LRRC4C: variants seen among roughly 807,000 people sequenced by gnomAD.
LRRC4C encodes the protein leucine rich repeat containing 4C, also known as leucine-rich repeat-containing protein 4C.
LRRC4C carries 5 observed loss-of-function variants against 33.6 expected under a neutral mutation model. The observed-to-expected ratio is 0.15, with a 90% CI of 0.08 to 0.31. LRRC4C has a LOEUF of 0.31. LRRC4C is among the 10% of genes least tolerant of loss of function. The pLI is 1.00. For synonymous variants in LRRC4C, 329 were observed against 302.0 expected, an observed-to-expected ratio of 1.09 and a Z score of -0.93; for missense variants, 560 against 796.7, an observed-to-expected ratio of 0.70 and a Z score of 3.58.
At chr11:40,390,780 G>A (rs527730834) in intron 3 of LRRC4C, among the ~76,000 whole-genome samples, 1 of 152,272 alleles carries the variant, frequency 6.6e-6, no homozygotes, top group South Asian at 2.1e-4. Flanking sequence ...ATTCCTGCCT[G>A]CCAAGTGTCA....
intron 1 of LRRC4C, among the ~76,000 whole-genome samples, chr11:41,014,472 A>AT (rs1273903432): frequency 1.0e-4 from 14 of 136,010 alleles, no homozygotes; most frequent in Non-Finnish European, 1.6e-5. Flanking sequence ...AGTACAGATT[A>AT]TTTTTTTCTA....
At chr11:40,198,104 A>AT (rs1406477681) in intron 5 of LRRC4C, among the ~76,000 whole-genome samples, 1 of 152,112 alleles carries the variant, frequency 6.6e-6, no homozygotes, top group East Asian at 1.9e-4. Flanking sequence ...CCAGGAAGGG[A>AT]TTTTAGAGCA....
intron 5 of LRRC4C, among the ~76,000 whole-genome samples, chr11:40,236,095 GA>G (rs570245220): frequency 1.0e-3 from 147 of 143,052 alleles, no homozygotes; most frequent in Middle Eastern, 3.6e-3. Flanking sequence ...TTCAGCCTAT[GA>G]AAAAAAAAAA....
At chr11:41,089,356 T>A (rs1481055939) in intron 1 of LRRC4C, among the ~76,000 whole-genome samples, 1 of 151,918 alleles carries the variant, frequency 6.6e-6, no homozygotes, top group East Asian at 1.9e-4. Flanking sequence ...CTCTTAAAGG[T>A]GCCAATTATT....
rs1052102013 is a variant in LRRC4C at position 41,454,037 on chromosome 11, A to C, written c.-496+5394T>G. 4.6e-5 allele frequency among the ~76,000 whole-genome samples: 7 copies of C among 152,244 alleles called. No homozygotes were observed. The East Asian group carries it at 1.4e-3, about 29-fold the overall frequency. On this transcript the variant is annotated intron_variant, in intron 1 of 6. Coordinates refer to ENST00000528697, the MANE Select transcript of LRRC4C (RefSeq NM_001258419.2). Reference sequence around the variant, plus strand: ...CTTTCTTCTCACAAAGTCATAAAGCAGACTTCATCCATTCATTTTAAGGAT... The same window carrying C: ...CTTTCTTCTCACAAAGTCATAAAGCCGACTTCATCCATTCATTTTAAGGAT...
chr11:40,842,584 CTATAA>C (rs1419839347), intron 2 of LRRC4C, among the ~76,000 whole-genome samples: 1 of 152,082 alleles, frequency 6.6e-6, no homozygotes, highest in Non-Finnish European at 1.5e-5. Context: ...AGTTTCAAAA[CTATAA>C]TATATTATTA....
chr11:40,638,496 G>C (rs1438911683), intron 3 of LRRC4C, among the ~76,000 whole-genome samples: 1 of 152,160 alleles, frequency 6.6e-6, no homozygotes, highest in African/African-American at 2.4e-5. Flanking sequence ...AGAAATAATT[G>C]TAAGGATGTT....
intron 3 of LRRC4C, among the ~76,000 whole-genome samples, chr11:40,592,833 T>C (rs1407633736): frequency 6.6e-6 from 1 of 152,184 alleles, no homozygotes; most frequent in Non-Finnish European, 1.5e-5. Context: ...CCAGCTCTAC[T>C]GGGTGTATCT....
intron 1 of LRRC4C, among the ~76,000 whole-genome samples, chr11:41,342,262 G>A (rs1188143550): frequency 6.6e-6 from 1 of 152,140 alleles, no homozygotes; most frequent in Admixed American, 6.5e-5. Flanking sequence ...TATGCTATTA[G>A]GTCATTAATC....
intron 1 of LRRC4C, among the ~76,000 whole-genome samples, chr11:41,059,888 G>A (rs1418596148): frequency 6.6e-6 from 1 of 152,100 alleles, no homozygotes; most frequent in Non-Finnish European, 1.5e-5. Context: ...AGTCAGGCAT[G>A]GTGGCACGCA....
intron 2 of LRRC4C, among the ~76,000 whole-genome samples, chr11:40,666,132 A>T (rs1943797336): frequency 1.3e-5 from 2 of 152,094 alleles, no homozygotes; most frequent in Non-Finnish European, 2.9e-5. Context: ...ATATGATGGA[A>T]TACTACTCTT....
chr11:41,164,034 ATGAT>A (rs1432438192), intron 1 of LRRC4C, among the ~76,000 whole-genome samples: 1 of 152,206 alleles, frequency 6.6e-6, no homozygotes, highest in African/African-American at 2.4e-5. Flanking sequence ...TTAAATCAAA[ATGAT>A]TGAGATATCA....
chr11:40,544,015 A>T (rs1413820624), intron 3 of LRRC4C, among the ~76,000 whole-genome samples: 11 of 152,094 alleles, frequency 7.2e-5, no homozygotes, highest in African/African-American at 2.7e-4. Context: ...TTGATAGAGA[A>T]AGAAAAGCCC....
intron 3 of LRRC4C, among the ~76,000 whole-genome samples, chr11:40,632,515 A>G (rs1963558739): frequency 6.6e-6 from 1 of 152,256 alleles, no homozygotes; most frequent in African/African-American, 2.4e-5. Flanking sequence ...CAAGCCGTGT[A>G]GAATGAAGAT....
chr11:40,325,052 TTTA>T (rs926987329), intron 3 of LRRC4C, among the ~76,000 whole-genome samples: 1 of 152,114 alleles, frequency 6.6e-6, no homozygotes, highest in Non-Finnish European at 1.5e-5. Context: ...CCATTATTAC[TTTA>T]TTATTATTAT....
At chr11:41,011,788 G>A (rs372791638) in intron 1 of LRRC4C, among the ~76,000 whole-genome samples, 3 of 60,488 alleles carry the variant, frequency 5.0e-5, no homozygotes, top group Non-Finnish European at 6.8e-5. Flanking sequence ...TCTCTAGTTT[G>A]CACTTAAAAT....
intron 1 of LRRC4C, among the ~76,000 whole-genome samples, chr11:41,023,663 C>G (rs1053841608): frequency 6.6e-6 from 1 of 151,694 alleles, no homozygotes; most frequent in Non-Finnish European, 1.5e-5. Flanking sequence ...AGCAAATACA[C>G]TTATTCAGAT....
chr11:40,897,521 A>C (rs1244791558), intron 2 of LRRC4C, among the ~76,000 whole-genome samples: 4 of 152,208 alleles, frequency 2.6e-5, no homozygotes, highest in African/African-American at 9.6e-5. Context: ...CACTGTAGGA[A>C]GAAAATTTAA....
Position 41,402,309 on chromosome 11 carries a change from C to T in LRRC4C, c.-496+57122G>A, listed in dbSNP as rs147411540. ...ATAATCCATCAAATAGTAACCAATC[C>T]TTCACCAACTAATGGGAAGTCTTTA... On this transcript the variant is annotated intron_variant, in intron 1 of 6. Transcript: ENST00000528697. 2.9e-3 allele frequency among the ~76,000 whole-genome samples: 445 copies of T among 152,074 alleles called. 1 individual carries two copies. Among genetic ancestry groups the T allele is most frequent in the African/African-American group, 0.01 (422 of 41,508 alleles).
Sources: allele counts gnomAD v4.1 joint callset (sites outside exome capture counted in the v4.1 genomes callset), GRCh38; gene constraint gnomAD v4.1.1; transcripts MANE v1.5; gene names NCBI Gene and HGNC (gene_info 2026-07-23, HGNC 2026-07-21).